The following EIF2AK4 variants were observed in gnomAD, a reference collection of about 807,000 sequenced individuals.
The protein encoded by EIF2AK4 is eIF-2-alpha kinase GCN2.
A neutral mutation model predicts 211.1 loss-of-function variants in EIF2AK4; 139 were observed. The ratio of observed to expected loss-of-function variants is 0.66; its 90% CI spans 0.57 to 0.76. The LOEUF is 0.76. Among genes scored for constraint, EIF2AK4 ranks in the 30% least tolerant of loss-of-function variants. EIF2AK4 has a pLI of 0.00. For synonymous variants in EIF2AK4, 710 were observed against 751.3 expected, an observed-to-expected ratio of 0.94 and a Z score of 0.90; for missense variants, 1,664 against 2,043.8, an observed-to-expected ratio of 0.81 and a Z score of 3.58.
intron 18 of EIF2AK4, among the ~76,000 whole-genome samples, chr15:39,994,999 G>A (rs1295390789): frequency 6.6e-6 from 1 of 152,028 alleles, no homozygotes; most frequent in Admixed American, 6.6e-5. Context: ...CTGCCACCAT[G>A]CCTGGCTAAT....
At chr15:40,030,901 G>C (rs758093115) in intron 35 of EIF2AK4, among the ~76,000 whole-genome samples, 23 of 152,196 alleles carry the variant, frequency 1.5e-4, no homozygotes, top group African/African-American at 5.1e-4. Flanking sequence ...CCTCAAAAGA[G>C]TTTATAACTT....
chr15:39,997,057 C>T lies in EIF2AK4; in HGVS notation c.2860C>T (p.Leu954Phe). 2 of 1,610,760 alleles carry T rather than the reference C, an allele frequency of 1.2e-6. No homozygotes were observed. Among genetic ancestry groups the T allele is most frequent in the South Asian group, 2.2e-5 (2 of 91,014 alleles). The change falls in exon 19 of 39, where the codon CTC becomes TTC. Residue 954 changes from leucine (L) to phenylalanine (F), a missense_variant. By Grantham distance (22) the Leu-to-Phe change is conservative. Coordinates refer to ENST00000263791, the MANE Select transcript of EIF2AK4 (RefSeq NM_001013703.4). ...AGAAAGGATCTTTGTTCTCAACCAA[C>T]TCAGAGATGTATGTATCAGGTGTTT... ...ASERIFVLNQ[L>F]RDPTSPKFPE...
At chr15:40,016,468 G>A (rs2035303965) in intron 27 of EIF2AK4, 34 bp from the exon 28 acceptor site, 2 of 1,613,158 alleles carry the variant, frequency 1.2e-6, no homozygotes, top group Admixed American at 3.3e-5. Flanking sequence ...CCCTGCTGTG[G>A]ATGGGCAGCT....
chr15:40,031,127 C>A (rs2035537293), intron 35 of EIF2AK4, among the ~76,000 whole-genome samples: 1 of 152,132 alleles, frequency 6.6e-6, no homozygotes, highest in Admixed American at 6.5e-5. Context: ...GTAATCCCAG[C>A]CACTCGGGAG....
rs117799776 is a variant in EIF2AK4, at chr15:39,937,502, A to G, written c.145-2003A>G. The stretch of plus-strand genomic sequence containing the variant: ...ACTAGCATTTTGGGTCATATAATGC[A>G]TATATTTTTCTCCTAATTATATGCA... On this transcript the variant is annotated intron_variant, in intron 1 of 38. Transcript: ENST00000263791. Among the ~76,000 whole-genome samples, 489 of 151,844 alleles carry G rather than the reference A, an allele frequency of 3.2e-3. 4 individuals are homozygous for G. In the East Asian group the frequency reaches 0.039, roughly 12 times the overall value.
In EIF2AK4 at chr15:39,976,792, G is replaced by A. The variant is rs756082681; in HGVS notation, c.2197G>A (p.Asp733Asn). The A allele has an allele frequency of 3.2e-6, 5 of 1,578,646 alleles. No individual in the cohort carries two copies. Among genetic ancestry groups the A allele is most frequent in the Non-Finnish European group, 4.3e-6 (5 of 1,165,174 alleles). Residue 733 changes from aspartate to asparagine, a missense_variant, in exon 12 of 39, where the codon GAC becomes AAC. Asp to Asn is a conservative substitution (Grantham distance 23). Transcript: ENST00000263791. Reference protein sequence around the residue: ...FPATGPGSSDDEDDDEDEHGG... With the variant: ...FPATGPGSSDNEDDDEDEHGG... Reference sequence around the variant, plus strand: ...CGCCACCGGCCCGGGCTCCAGCGATGACGAGGACGACGACGAGGACGAGCA... The same window carrying A: ...CGCCACCGGCCCGGGCTCCAGCGATAACGAGGACGACGACGAGGACGAGCA...
chr15:39,973,826 C>T, intron 11 of EIF2AK4, 77 bp downstream of exon 11: 1 of 1,543,032 alleles, frequency 6.5e-7, no homozygotes, highest in Non-Finnish European at 8.8e-7. Flanking sequence ...ATGGACTTTA[C>T]TTTTATTTTG....
At chr15:40,003,164 G>C (rs199774603) in intron 22 of EIF2AK4, 29 bp from the exon 23 acceptor site, 24 of 1,611,810 alleles carry the variant, frequency 1.5e-5, no homozygotes, top group Middle Eastern at 1.7e-4. Context: ...TGAACCTGAT[G>C]ATGAGCTATT....
chr15:39,966,501 CAA>C (rs11391028), intron 8 of EIF2AK4, among the ~76,000 whole-genome samples: 3 of 140,324 alleles, frequency 2.1e-5, no homozygotes, highest in Admixed American at 7.2e-5. Context: ...ACCCTGTCTC[CAA>C]AAAAAAAAAA....
chr15:39,961,167 T>C (rs555536336), intron 6 of EIF2AK4, among the ~76,000 whole-genome samples: 4 of 152,090 alleles, frequency 2.6e-5, no homozygotes, highest in Admixed American at 2.6e-4. Context: ...GGAGAAGTCA[T>C]GGAAGGGAAT....
intron 3 of EIF2AK4, among the ~76,000 whole-genome samples, chr15:39,944,171 G>A (rs535407): frequency 0.4 from 60,864 of 151,846 alleles, 14,883 homozygotes; most frequent in East Asian, 0.84. Flanking sequence ...TACTCCTTCA[G>A]TGTCTGTCAT....
intron 2 of EIF2AK4, among the ~76,000 whole-genome samples, chr15:39,940,685 G>T (rs2034132938): frequency 6.6e-6 from 1 of 151,960 alleles, no homozygotes. Flanking sequence ...GCCTCTCTAG[G>T]TTGTTTTTTT....
intron 13 of EIF2AK4, among the ~76,000 whole-genome samples, chr15:39,983,564 T>C (rs1407249332): frequency 6.6e-6 from 1 of 152,164 alleles, no homozygotes; most frequent in Non-Finnish European, 1.5e-5. Context: ...TGCCTCAGCC[T>C]CCCAAGTAGC....
At chr15:39,945,798 T>C (rs1450826488) in intron 3 of EIF2AK4, among the ~76,000 whole-genome samples, 1 of 152,220 alleles carries the variant, frequency 6.6e-6, no homozygotes, top group Non-Finnish European at 1.5e-5. Flanking sequence ...AGGCCAGTGT[T>C]CACTTACCAT....
intron 13 of EIF2AK4, among the ~76,000 whole-genome samples, chr15:39,980,906 G>A (rs1380357935): frequency 6.6e-6 from 1 of 152,204 alleles, no homozygotes; most frequent in Non-Finnish European, 1.5e-5. Flanking sequence ...AGTTACAAGG[G>A]TTCATTCATA....
At chr15:39,947,921 A>G (rs937904979) in intron 3 of EIF2AK4, among the ~76,000 whole-genome samples, 1 of 152,258 alleles carries the variant, frequency 6.6e-6, no homozygotes, top group African/African-American at 2.4e-5. Context: ...AAAACCCTCC[A>G]CAGCTTGGCT....
At chr15:40,025,806 C>T (rs1035510087) in intron 32 of EIF2AK4, among the ~76,000 whole-genome samples, 171 bp from the exon 33 acceptor site, 11 of 152,166 alleles carry the variant, frequency 7.2e-5, no homozygotes, top group Non-Finnish European at 5.9e-5. Context: ...GCCAGTTGCA[C>T]CATCCAAAAA....
chr15:39,992,907 A>G lies in EIF2AK4; in HGVS notation c.2766+59A>G, dbSNP rs889882910. 10 of 1,540,074 alleles carry G rather than the reference A, an allele frequency of 6.5e-6. No homozygotes were observed. In the African/African-American group the frequency reaches 1.4e-4, roughly 21 times the overall value. On this transcript the variant is annotated intron_variant, in intron 18 of 38. Transcript: ENST00000263791. ...ATTAAGGTAATAGGACATCTAGATC[A>G]CAGCATTTGGGATTTAGTCCCGGCT...
intron 16 of EIF2AK4, among the ~76,000 whole-genome samples, chr15:39,990,856 G>C (rs373214449): frequency 6.6e-6 from 1 of 152,222 alleles, no homozygotes; most frequent in East Asian, 1.9e-4. Flanking sequence ...TTGAGGGCAG[G>C]GCCTGGTGGC....
Sources: allele counts gnomAD v4.1 joint callset (sites outside exome capture counted in the v4.1 genomes callset), GRCh38; gene constraint gnomAD v4.1.1; transcripts MANE v1.5; gene names NCBI Gene and HGNC (gene_info 2026-07-23, HGNC 2026-07-21).